PRKAR2B: variants seen among roughly 807,000 people sequenced by gnomAD.
PRKAR2B encodes protein kinase cAMP-dependent type II regulatory subunit beta, also known as cAMP-dependent protein kinase type II-beta regulatory subunit.
In PRKAR2B, 14 loss-of-function variants were observed where a neutral mutation model predicts 49.9. The ratio of observed to expected loss-of-function variants is 0.28; its 90% CI spans 0.19 to 0.44. PRKAR2B has a LOEUF of 0.44. Ranked by LOEUF, PRKAR2B falls within the 20% of genes least tolerant of loss-of-function variation. The pLI, the probability that PRKAR2B is intolerant of heterozygous loss-of-function variation, is 1.00. For missense variants in PRKAR2B, 393 were observed against 537.9 expected (o/e 0.73, Z 2.67); for synonymous variants, 196 against 197.7 (o/e 0.99, Z 0.07).
intron 2 of PRKAR2B, among the ~76,000 whole-genome samples, chr7:107,095,276 T>C (rs1235240405): frequency 6.6e-6 from 1 of 152,220 alleles, no homozygotes; most frequent in South Asian, 2.1e-4. Flanking sequence ...CAATTGTGAA[T>C]GGGAGTTCAC....
chr7:107,137,441 A>G (rs1406703902), intron 4 of PRKAR2B, among the ~76,000 whole-genome samples: 8 of 152,218 alleles, frequency 5.3e-5, no homozygotes, highest in Non-Finnish European at 1.2e-4. Context: ...GTGAATGGAT[A>G]TATGACAGCT....
chr7:107,117,161 G>A (rs1438067886), intron 2 of PRKAR2B, among the ~76,000 whole-genome samples: 1 of 150,234 alleles, frequency 6.7e-6, no homozygotes, highest in African/African-American at 2.5e-5. Context: ...AATACAGTAA[G>A]TCTTTTTGCC....
chr7:107,044,883 A>G lies in PRKAR2B; in HGVS notation c.-25A>G, dbSNP rs777980656. ...CGGGGAGGGGGCGAGGGCGGCGCCC[A>G]GGCGCCTGCCGCCCCGGAGGCAGGA... On this transcript the variant is annotated 5_prime_UTR_variant, in exon 1 of 11. Coordinates refer to ENST00000265717, the MANE Select transcript of PRKAR2B (RefSeq NM_002736.3). 24 of 1,566,860 alleles carry G rather than the reference A, an allele frequency of 1.5e-5. No individual in the cohort carries two copies. In the South Asian group the frequency reaches 2.3e-4, roughly 15 times the overall value.
At chr7:107,114,765 A>C (rs1244923521) in intron 2 of PRKAR2B, among the ~76,000 whole-genome samples, 3 of 152,130 alleles carry the variant, frequency 2.0e-5, no homozygotes, top group Admixed American at 2.0e-4. Context: ...GTATTTCAGC[A>C]ATACCCTTCC....
intron 1 of PRKAR2B, among the ~76,000 whole-genome samples, chr7:107,050,371 A>T (rs1793778235): frequency 1.8e-5 from 2 of 112,934 alleles, no homozygotes; most frequent in East Asian, 2.5e-4. Flanking sequence ...TTGTGGATGC[A>T]CATAAATTGA....
At chr7:107,064,401 A>G (rs1794091135) in intron 1 of PRKAR2B, among the ~76,000 whole-genome samples, 1 of 152,196 alleles carries the variant, frequency 6.6e-6, no homozygotes, top group Non-Finnish European at 1.5e-5. Flanking sequence ...AGGAGCATCG[A>G]TATTTCGTCT....
intron 4 of PRKAR2B, among the ~76,000 whole-genome samples, chr7:107,135,263 C>G (rs753168718): frequency 6.6e-6 from 1 of 151,928 alleles, no homozygotes; most frequent in Non-Finnish European, 1.5e-5. Context: ...TCATCCCCAC[C>G]GGGGTAGTTA....
chr7:107,065,596 T>C (rs1794122498), intron 1 of PRKAR2B, among the ~76,000 whole-genome samples: 1 of 152,202 alleles, frequency 6.6e-6, no homozygotes, highest in Admixed American at 6.5e-5. Flanking sequence ...AGCCATTGTA[T>C]TTGAAAATAC....
At chr7:107,118,325 C>G (rs550926347) in intron 2 of PRKAR2B, among the ~76,000 whole-genome samples, 16 of 152,152 alleles carry the variant, frequency 1.1e-4, no homozygotes, top group African/African-American at 3.1e-4. Flanking sequence ...TTCATTCATT[C>G]ATTCATTCAT....
intron 2 of PRKAR2B, among the ~76,000 whole-genome samples, chr7:107,116,015 T>C (rs769085150): frequency 1.2e-4 from 18 of 152,176 alleles, no homozygotes; most frequent in Non-Finnish European, 2.4e-4. Context: ...GACCAAGAAA[T>C]ACACTCATGT....
At chr7:107,106,964 C>A (rs1475038075) in intron 2 of PRKAR2B, among the ~76,000 whole-genome samples, 2 of 152,162 alleles carry the variant, frequency 1.3e-5, no homozygotes, top group Non-Finnish European at 2.9e-5. Flanking sequence ...CCATAAAAGC[C>A]TGCACATAAG....
chr7:107,109,773 A>G (rs1199716635), intron 2 of PRKAR2B, among the ~76,000 whole-genome samples: 9 of 152,204 alleles, frequency 5.9e-5, no homozygotes, highest in Non-Finnish European at 2.9e-5. Flanking sequence ...CTCTCTTAAA[A>G]AAAATAGTAA....
rs1025331203 is a variant in PRKAR2B at position 107,131,402 on chromosome 7, C to T, written c.480+3107C>T. On this transcript the variant is annotated intron_variant, in intron 4 of 10. Coordinates refer to ENST00000265717, the MANE Select transcript of PRKAR2B (RefSeq NM_002736.3). ...TTTAAATTATTAATATTTAAGAAAG[C>T]TTTTGCTAATACAGTCTGGCAAGGA... Among the ~76,000 whole-genome samples the T allele has an allele frequency of 5.3e-5, 8 of 152,170 alleles. No homozygotes were observed. The South Asian group carries it at 1.0e-3, about 20-fold the overall frequency.
intron 1 of PRKAR2B, chr7:107,067,225 CCTT>C (rs1794168959): frequency 6.6e-6 from 1 of 152,184 alleles, no homozygotes; most frequent in Admixed American, 6.5e-5. Context: ...TGAATCCCAG[CCTT>C]CTTCTCTATT....
At chr7:107,138,929 T>G (rs554860218) in intron 4 of PRKAR2B, among the ~76,000 whole-genome samples, 13 of 152,246 alleles carry the variant, frequency 8.5e-5, no homozygotes, top group Admixed American at 8.5e-4. Context: ...TCTGCCTGCC[T>G]TGGCCTCCCA....
chr7:107,095,713 G>C (rs1444850977), intron 2 of PRKAR2B, among the ~76,000 whole-genome samples: 1 of 152,172 alleles, frequency 6.6e-6, no homozygotes, highest in Non-Finnish European at 1.5e-5. Context: ...TTAGCACGAA[G>C]GGCTGTTAAA....
chr7:107,121,208 C>T (rs963116769), intron 2 of PRKAR2B, among the ~76,000 whole-genome samples: 3 of 151,604 alleles, frequency 2.0e-5, no homozygotes, highest in African/African-American at 7.3e-5. Flanking sequence ...ACAATTTAGC[C>T]CCTGCAAATA....
chr7:107,151,585 T>C (rs1441900483), intron 7 of PRKAR2B, among the ~76,000 whole-genome samples: 1 of 152,232 alleles, frequency 6.6e-6, no homozygotes, highest in African/African-American at 2.4e-5. Context: ...GAAAATATCA[T>C]AAATAGAAAA....
intron 1 of PRKAR2B, among the ~76,000 whole-genome samples, chr7:107,051,544 T>C (rs980089255): frequency 6.6e-6 from 1 of 152,202 alleles, no homozygotes; most frequent in Non-Finnish European, 1.5e-5. Flanking sequence ...GAGCGAATTT[T>C]GTGCTTCACA....
Sources: gnomAD v4.1 joint callset for allele counts (sites outside exome capture counted in the v4.1 genomes callset) on GRCh38, gnomAD v4.1.1 for gene constraint, MANE v1.5 for transcripts, NCBI Gene and HGNC (gene_info 2026-07-23, HGNC 2026-07-21) for gene names.